Variants in GRIN2B observed in about 807,000 individuals in gnomAD.
GRIN2B encodes glutamate receptor ionotropic, NMDA 2B.
In GRIN2B, 5 loss-of-function variants were observed where a neutral mutation model predicts 114.5. That is an observed-to-expected ratio of 0.04 (90% CI 0.02 to 0.09). The LOEUF is 0.09. Among genes scored for constraint, GRIN2B ranks in the 10% least tolerant of loss-of-function variants. The pLI is 1.00. For missense variants in GRIN2B, 1,108 were observed against 1,943.5 expected, an observed-to-expected ratio of 0.57 and a Z score of 8.08; for synonymous variants, 787 against 745.1, an observed-to-expected ratio of 1.06 and a Z score of -0.92.
chr12:13,545,929 T>C lies in GRIN2B; in HGVS notation c.*16854A>G, dbSNP rs1048137724. On this transcript the variant is annotated 3_prime_UTR_variant, in exon 14 of 14. Coordinates refer to ENST00000609686, the MANE Select transcript of GRIN2B (RefSeq NM_000834.5). ...AGTCAGTAAATTCCATGTTAATATG[T>C]GTAAGACTCAGGATTAAATCAATCT... is the stretch of plus-strand genomic sequence containing the variant. 3.9e-5 allele frequency: 6 copies of C among 152,234 alleles called. No homozygotes were observed. Among genetic ancestry groups the C allele is most frequent in the African/African-American group, 1.4e-4 (6 of 41,464 alleles). 9.4% of individuals were successfully genotyped at this position (152,234 alleles called of 1,614,324 possible). A position where few individuals can be genotyped will look rare whatever the true frequency, so the allele number is the denominator to read the frequency against.
intron 10 of GRIN2B, among the ~76,000 whole-genome samples, chr12:13,602,568 A>C (rs1949175238): frequency 6.6e-6 from 1 of 152,220 alleles, no homozygotes; most frequent in Non-Finnish European, 1.5e-5. Flanking sequence ...TCAACATTTC[A>C]GGGTAGTTGT....
intron 3 of GRIN2B, among the ~76,000 whole-genome samples, chr12:13,762,752 C>T (rs1177367917): frequency 6.6e-6 from 1 of 152,170 alleles, no homozygotes; most frequent in African/African-American, 2.4e-5. Flanking sequence ...TGTCCCAGCT[C>T]CATATGGAGT....
intron 3 of GRIN2B, among the ~76,000 whole-genome samples, chr12:13,773,161 C>G (rs933780289): frequency 1.3e-4 from 20 of 152,260 alleles, no homozygotes; most frequent in African/African-American, 4.6e-4. Context: ...TGGCAAGTTC[C>G]TACCCATCCA....
intron 4 of GRIN2B, among the ~76,000 whole-genome samples, chr12:13,739,000 C>T (rs1269497028): frequency 1.3e-5 from 2 of 152,092 alleles, no homozygotes; most frequent in African/African-American, 4.8e-5. Context: ...GTGAAGACAG[C>T]ACGGGAGGAA....
chr12:13,578,267 C>G (rs1384562489), intron 10 of GRIN2B, among the ~76,000 whole-genome samples: 1 of 152,148 alleles, frequency 6.6e-6, no homozygotes, highest in Non-Finnish European at 1.5e-5. Flanking sequence ...TCTTAGCTGA[C>G]CTAGGTGACC....
At chr12:13,889,636 G>GTGAAC (rs1866225645) in intron 2 of GRIN2B, among the ~76,000 whole-genome samples, 1 of 152,120 alleles carries the variant, frequency 6.6e-6, no homozygotes, top group Admixed American at 6.5e-5. Flanking sequence ...GAATCAGAAG[G>GTGAAC]TGAACTGTAG....
chr12:13,643,237 A>G (rs920646100), intron 5 of GRIN2B, among the ~76,000 whole-genome samples: 10 of 152,154 alleles, frequency 6.6e-5, no homozygotes, highest in African/African-American at 2.4e-4. Context: ...CCTAGGAGAT[A>G]TTACAGGTTT....
Position 13,674,696 on chromosome 12 carries a change from T to C in GRIN2B, c.1125+1049A>G, listed in dbSNP as rs574608403. ...AGCCCATTCTCAGCCAATTGGTCCA[T>C]GGAATCTGTGGAAGTTGTCTTAAAT... On this transcript the variant is annotated intron_variant, in intron 5 of 13. Coordinates refer to ENST00000609686, the MANE Select transcript of GRIN2B (RefSeq NM_000834.5). 4.3e-4 allele frequency among the ~76,000 whole-genome samples: 66 copies of C among 152,284 alleles called. 1 individual carries two copies. The highest frequency in any genetic ancestry group is 1.4e-3 in the African/African-American group (59 of 41,582).
At chr12:13,916,827 C>T (rs926810314) in intron 2 of GRIN2B, among the ~76,000 whole-genome samples, 1 of 149,914 alleles carries the variant, frequency 6.7e-6, no homozygotes, top group Non-Finnish European at 1.5e-5. Flanking sequence ...AATGCTATAG[C>T]AAATTATTAT....
At chr12:13,566,364 T>A (rs575762629) in intron 13 of GRIN2B, among the ~76,000 whole-genome samples, 2 of 152,278 alleles carry the variant, frequency 1.3e-5, no homozygotes, top group Admixed American at 6.5e-5. Context: ...GCTCACTTTT[T>A]AAAAAAACTT....
At chr12:13,806,356 T>C (rs1864600025) in intron 3 of GRIN2B, among the ~76,000 whole-genome samples, 2 of 152,156 alleles carry the variant, frequency 1.3e-5, no homozygotes, top group Non-Finnish European at 2.9e-5. Flanking sequence ...GTGCAAGTTA[T>C]GTTCTCATCC....
intron 5 of GRIN2B, among the ~76,000 whole-genome samples, chr12:13,637,971 T>G (rs986779244): frequency 6.6e-6 from 1 of 152,172 alleles, no homozygotes; most frequent in African/African-American, 2.4e-5. Context: ...GTTATGTGTC[T>G]GAGTGGCAAA....
intron 4 of GRIN2B, among the ~76,000 whole-genome samples, chr12:13,737,547 G>A (rs985774366): frequency 3.3e-5 from 5 of 152,138 alleles, no homozygotes; most frequent in African/African-American, 1.2e-4. Context: ...GAAATCTGAA[G>A]TTTGGCGAAC....
chr12:13,696,144 A>G (rs1477537922), intron 4 of GRIN2B, among the ~76,000 whole-genome samples: 1 of 152,202 alleles, frequency 6.6e-6, no homozygotes, highest in African/African-American at 2.4e-5. Context: ...GGAGTCAAGA[A>G]GGAAAGGAAG....
intron 4 of GRIN2B, chr12:13,683,967 T>A (rs1408440597): frequency 1.3e-5 from 2 of 152,226 alleles, no homozygotes; most frequent in African/African-American, 2.4e-5. Flanking sequence ...AATGATGTCA[T>A]GCTTTGGCCC....
intron 4 of GRIN2B, among the ~76,000 whole-genome samples, chr12:13,712,024 T>TATAC (rs772838622): frequency 2.0e-5 from 3 of 152,102 alleles, no homozygotes; most frequent in Non-Finnish European, 4.4e-5. Context: ...GGGGCACATA[T>TATAC]ATACCATGGC....
At chr12:13,973,702 G>C (rs1461346286) in intron 2 of GRIN2B, among the ~76,000 whole-genome samples, 2 of 152,138 alleles carry the variant, frequency 1.3e-5, no homozygotes, top group Admixed American at 6.6e-5. Context: ...CAGATCCAGG[G>C]TACTCTCTTT....
chr12:13,873,332 T>C lies in GRIN2B; in HGVS notation c.-18-7106A>G, dbSNP rs149531527. Among the ~76,000 whole-genome samples, 86 of 152,318 alleles carry C rather than the reference T, an allele frequency of 5.6e-4. 1 individual carries two copies. The East Asian group carries it at 0.016, about 28-fold the overall frequency. ...ATGTGAGTATCACAGATGACAAACA[T>C]CTACTTTTCAATATCACTATTAAGT... On this transcript the variant is annotated intron_variant, in intron 2 of 13. Transcript: ENST00000609686.
intron 10 of GRIN2B, among the ~76,000 whole-genome samples, chr12:13,593,327 G>T (rs1017094638): frequency 8.5e-5 from 13 of 152,106 alleles, no homozygotes; most frequent in South Asian, 4.2e-4. Context: ...AAACAGCATG[G>T]TACTGGTACC....
Sources: gnomAD v4.1 joint callset for allele counts (sites outside exome capture counted in the v4.1 genomes callset) on GRCh38, gnomAD v4.1.1 for gene constraint, MANE v1.5 for transcripts, NCBI Gene and HGNC (gene_info 2026-07-23, HGNC 2026-07-21) for gene names.